Variants in BRINP3 observed in about 807,000 individuals in gnomAD.
BRINP3 encodes the protein BMP/retinoic acid inducible neural specific 3, also known as BMP/retinoic acid-inducible neural-specific protein 3.
A neutral mutation model predicts 71.0 loss-of-function variants in BRINP3; 19 were observed. The observed-to-expected ratio is 0.27, with a 90% CI of 0.19 to 0.39. The LOEUF (loss-of-function observed/expected upper bound fraction) is 0.39. BRINP3 is among the 10% of genes least tolerant of loss of function. The pLI, the probability that BRINP3 is intolerant of heterozygous loss-of-function variation, is 1.00. For synonymous variants in BRINP3, 380 were observed against 337.7 expected (o/e 1.13, Z -1.37); for missense variants, 959 against 940.8 (o/e 1.02, Z -0.25).
rs990414541 is a variant in BRINP3, at chr1:190,472,128, T to C, written c.-51+5320A>G. Among the ~76,000 whole-genome samples the C allele has an allele frequency of 4.0e-5, 6 of 151,642 alleles. No homozygotes were observed. In the South Asian group the frequency reaches 6.2e-4, roughly 16 times the overall value. On this transcript the variant is annotated intron_variant, in intron 1 of 7. Transcript: ENST00000367462. Reference sequence around the variant, plus strand: ...AAAAATATATTTTGTTTTCATAACATATTTGTCCTTTTAAAGCATCCATAT... The same window carrying C: ...AAAAATATATTTTGTTTTCATAACACATTTGTCCTTTTAAAGCATCCATAT...
At chr1:190,132,172 G>A (rs1178846498) in intron 7 of BRINP3, among the ~76,000 whole-genome samples, 4 of 152,020 alleles carry the variant, frequency 2.6e-5, no homozygotes, top group Non-Finnish European at 5.9e-5. Context: ...TCATGATTCT[G>A]TAGATTTGCA....
At chr1:190,160,551 C>T (rs972063664) in intron 7 of BRINP3, 117 bp downstream of exon 7, 2 of 753,220 alleles carry the variant, frequency 2.7e-6, no homozygotes, top group South Asian at 2.1e-5. Flanking sequence ...CAAATTATCT[C>T]TAATAGTATA....
At chr1:190,100,044 T>A (rs971336313) in intron 7 of BRINP3, among the ~76,000 whole-genome samples, 2 of 152,200 alleles carry the variant, frequency 1.3e-5, no homozygotes, top group East Asian at 3.8e-4. Flanking sequence ...GCATGTATGA[T>A]CATGGGAAAA....
intron 2 of BRINP3, among the ~76,000 whole-genome samples, chr1:190,399,379 G>C (rs974393860): frequency 2.0e-5 from 3 of 151,804 alleles, no homozygotes; most frequent in African/African-American, 7.3e-5. Context: ...ACCCAGGGGA[G>C]CTAATTTGTG....
rs1571801880 is a variant in BRINP3 at position 190,342,019 on chromosome 1, T to C, written c.237-60269A>G. Among the ~76,000 whole-genome samples the C allele has an allele frequency of 2.6e-5, 4 of 151,716 alleles. No homozygotes were observed. The East Asian group carries it at 7.8e-4, about 30-fold the overall frequency. On this transcript the variant is annotated intron_variant, in intron 2 of 7. Transcript: ENST00000367462. The stretch of plus-strand genomic sequence containing the variant: ...GTGGAGGCCCTATTTCTGTGTTTTT[T>C]TTTTTGCAGTTTCTAGAGTACCCCA...
At chr1:190,202,871 T>A (rs555780988) in intron 6 of BRINP3, among the ~76,000 whole-genome samples, 3 of 152,204 alleles carry the variant, frequency 2.0e-5, no homozygotes, top group African/African-American at 7.2e-5. Context: ...TTCAGGTAAG[T>A]CTTTATCAGC....
intron 2 of BRINP3, among the ~76,000 whole-genome samples, chr1:190,367,608 C>T (rs1422629914): frequency 6.6e-6 from 1 of 152,160 alleles, no homozygotes; most frequent in East Asian, 1.9e-4. Context: ...CATCATCAGG[C>T]TACAAATGTT....
chr1:190,241,504 A>G (rs1207020405), intron 4 of BRINP3, among the ~76,000 whole-genome samples: 2 of 152,080 alleles, frequency 1.3e-5, no homozygotes, highest in African/African-American at 4.8e-5. Flanking sequence ...AAGTTACAAT[A>G]AAACACAATT....
chr1:190,455,319 C>G (rs1263168409), intron 1 of BRINP3, among the ~76,000 whole-genome samples: 1 of 151,868 alleles, frequency 6.6e-6, no homozygotes, highest in Non-Finnish European at 1.5e-5. Context: ...AATTTTAATA[C>G]TAGATTTAAT....
chr1:190,310,046 C>T (rs1388044182), intron 2 of BRINP3, among the ~76,000 whole-genome samples: 1 of 151,064 alleles, frequency 6.6e-6, no homozygotes, highest in African/African-American at 2.4e-5. Context: ...GTATATTTTC[C>T]CTTATTTGTA....
chr1:190,335,055 T>C lies in BRINP3; in HGVS notation c.237-53305A>G, dbSNP rs1667201038. On this transcript the variant is annotated intron_variant, in intron 2 of 7. Coordinates refer to ENST00000367462, the MANE Select transcript of BRINP3 (RefSeq NM_199051.3). ...ATTGTAATTACTCCCTATTGCTTTT[T>C]CCCTTCATTTCTACAAATCTCCAGG... is the stretch of plus-strand genomic sequence containing the variant. Among the ~76,000 whole-genome samples the C allele has an allele frequency of 3.9e-5, 6 of 151,900 alleles. No individual in the cohort carries two copies. The South Asian group carries it at 1.2e-3, about 31-fold the overall frequency.
intron 2 of BRINP3, among the ~76,000 whole-genome samples, chr1:190,312,202 G>A (rs980178404): frequency 5.3e-5 from 8 of 150,226 alleles, no homozygotes; most frequent in South Asian, 4.2e-4. Context: ...CGTAAATTGC[G>A]AATTTATGTT....
intron 2 of BRINP3, among the ~76,000 whole-genome samples, chr1:190,314,504 C>T (rs947815262): frequency 3.3e-5 from 5 of 152,090 alleles, no homozygotes; most frequent in African/African-American, 1.2e-4. Context: ...GAAGCAGAGA[C>T]ATTGCAAAAT....
chr1:190,128,172 C>A (rs1417226729), intron 7 of BRINP3, among the ~76,000 whole-genome samples: 1 of 151,680 alleles, frequency 6.6e-6, no homozygotes, highest in Non-Finnish European at 1.5e-5. Context: ...CTTCTTTGAA[C>A]TTCGTTATTC....
intron 6 of BRINP3, among the ~76,000 whole-genome samples, chr1:190,179,940 G>A (rs1259250074): frequency 6.6e-6 from 1 of 152,066 alleles, no homozygotes; most frequent in African/African-American, 2.4e-5. Flanking sequence ...TCTGTAAAGT[G>A]GAATAATGTT....
At chr1:190,184,675 G>C (rs1653350677) in intron 6 of BRINP3, among the ~76,000 whole-genome samples, 1 of 152,064 alleles carries the variant, frequency 6.6e-6, no homozygotes, top group Non-Finnish European at 1.5e-5. Flanking sequence ...CGTATAGTGT[G>C]AGCTAAACTT....
intron 4 of BRINP3, among the ~76,000 whole-genome samples, chr1:190,257,255 C>T (rs1418695969): frequency 6.6e-6 from 1 of 152,108 alleles, no homozygotes; most frequent in Non-Finnish European, 1.5e-5. Context: ...ATCATTGATA[C>T]CCTTTCTTCC....
intron 2 of BRINP3, among the ~76,000 whole-genome samples, chr1:190,366,747 T>A (rs1191142314): frequency 2.0e-5 from 3 of 152,146 alleles, no homozygotes; most frequent in Non-Finnish European, 2.9e-5. Context: ...ATGCAAGCAA[T>A]TGGCCAAAAC....
chr1:190,171,241 T>A (rs1212178796), intron 6 of BRINP3, among the ~76,000 whole-genome samples: 1 of 152,166 alleles, frequency 6.6e-6, no homozygotes, highest in Non-Finnish European at 1.5e-5. Flanking sequence ...CACAAGCATA[T>A]TGCTGTTTTT....
Sources: gnomAD v4.1 joint callset for allele counts (sites outside exome capture counted in the v4.1 genomes callset) on GRCh38, gnomAD v4.1.1 for gene constraint, MANE v1.5 for transcripts, NCBI Gene and HGNC (gene_info 2026-07-23, HGNC 2026-07-21) for gene names.